GTF2A1: variants seen among roughly 807,000 people sequenced by gnomAD.
GTF2A1 encodes general transcription factor IIA subunit 1, also known as transcription initiation factor IIA subunit 1.
Under a neutral mutation model 54.1 loss-of-function variants are expected in GTF2A1, and 12 were observed. The ratio of observed to expected loss-of-function variants is 0.22; its 90% CI spans 0.14 to 0.36. The LOEUF (loss-of-function observed/expected upper bound fraction) is 0.36. Among genes scored for constraint, GTF2A1 ranks in the 10% least tolerant of loss-of-function variants. The probability of loss-of-function intolerance (pLI) is 1.00; values close to 1 mark genes in which losing one functional copy is unlikely to be tolerated. For missense variants in GTF2A1, 335 were observed against 442.2 expected (o/e 0.76, Z 2.17); for synonymous variants, 145 against 152.0 (o/e 0.95, Z 0.34).
intron 8 of GTF2A1, among the ~76,000 whole-genome samples, chr14:81,182,011 CTCTCTTGTAA>C (rs1358206312): frequency 6.6e-6 from 1 of 152,004 alleles, no homozygotes; most frequent in East Asian, 1.9e-4. Context: ...TTTGGAACAG[CTCTCTTGTAA>C]AATCTTTCAG....
chr14:81,206,517 C>A (rs189772885), intron 2 of GTF2A1, among the ~76,000 whole-genome samples: 1 of 152,186 alleles, frequency 6.6e-6, no homozygotes, highest in Non-Finnish European at 1.5e-5. Flanking sequence ...GACATTCCAG[C>A]GGACACTTGC....
intron 1 of GTF2A1, among the ~76,000 whole-genome samples, chr14:81,218,968 C>CA (rs1893545886): frequency 6.6e-6 from 1 of 151,762 alleles, no homozygotes; most frequent in African/African-American, 2.4e-5. Context: ...ATATTTCTAA[C>CA]ATTATTTCCT....
intron 7 of GTF2A1, among the ~76,000 whole-genome samples, chr14:81,186,959 CAA>C (rs56717903): frequency 8.3e-5 from 12 of 144,960 alleles, no homozygotes; most frequent in Non-Finnish European, 7.5e-5. Context: ...ACAATAAGAA[CAA>C]AAAAAAAAAA....
intron 7 of GTF2A1, among the ~76,000 whole-genome samples, chr14:81,192,291 T>C (rs1448138245): frequency 6.6e-6 from 1 of 152,240 alleles, no homozygotes; most frequent in African/African-American, 2.4e-5. Context: ...TAATTTGTTA[T>C]ACATTTTTTA....
In GTF2A1 at chr14:81,192,903, T is replaced by C. The variant is rs557926408; in HGVS notation, c.613-64A>G. The C allele has an allele frequency of 2.9e-4, 259 of 888,440 alleles. No homozygotes were observed. In the South Asian group the frequency reaches 3.3e-3, roughly 11 times the overall value. The allele number at this position is 888,440 out of a possible 1,614,324, so 55.0% of individuals were successfully genotyped here. ...GAGGATCAAGTATGGTACACAGAAA[T>C]AGAAACAAATGCTTAAGATTCACCA... On this transcript the variant is annotated intron_variant, in intron 6 of 8. Coordinates refer to ENST00000553612, the MANE Select transcript of GTF2A1 (RefSeq NM_015859.4).
intron 1 of GTF2A1, among the ~76,000 whole-genome samples, chr14:81,218,931 G>A (rs997190474): frequency 6.6e-6 from 1 of 151,204 alleles, no homozygotes; most frequent in Non-Finnish European, 1.5e-5. Flanking sequence ...ATTTACTATA[G>A]GAAAACATAA....
chr14:81,202,633 CA>C (rs1467781895), intron 3 of GTF2A1: 2 of 512,424 alleles, frequency 3.9e-6, no homozygotes, highest in Non-Finnish European at 7.7e-6. Context: ...GGTAAACCGG[CA>C]AAAGTCGGAA....
In GTF2A1 at chr14:81,220,640, AT is replaced by A. The variant is rs1566864118; in HGVS notation, c.-123del. On this transcript the variant is annotated 5_prime_UTR_variant, in exon 1 of 9. Transcript: ENST00000553612. ...AAATCACCGCAAGATTGGGGAAAAA[AT>A]TTTAAACAAAATCAATCCTGAAGGA... is the stretch of plus-strand genomic sequence containing the variant. The A allele has an allele frequency of 1.5e-6, 1 of 655,828 alleles. No individual in the cohort carries two copies. The highest frequency in any genetic ancestry group is 2.5e-6 in the Non-Finnish European group (1 of 407,494). The allele number at this position is 655,828 out of a possible 1,614,324, so 40.6% of individuals were successfully genotyped here.
intron 1 of GTF2A1, among the ~76,000 whole-genome samples, chr14:81,218,014 A>G (rs1893523668): frequency 6.6e-6 from 1 of 152,164 alleles, no homozygotes; most frequent in Middle Eastern, 3.4e-3. Context: ...AATTCTATAT[A>G]TAAGGAAAGT....
intron 2 of GTF2A1, among the ~76,000 whole-genome samples, chr14:81,213,854 T>C (rs1434515402): frequency 6.6e-6 from 1 of 151,766 alleles, no homozygotes; most frequent in Non-Finnish European, 1.5e-5. Flanking sequence ...CTGTTTTTTT[T>C]TTTTTTGAGA....
At chr14:81,212,053 A>G (rs1055139007) in intron 2 of GTF2A1, among the ~76,000 whole-genome samples, 3 of 151,770 alleles carry the variant, frequency 2.0e-5, no homozygotes, top group East Asian at 3.9e-4. Flanking sequence ...TGCTGCTAAC[A>G]TTCTACAATC....
intron 2 of GTF2A1, among the ~76,000 whole-genome samples, chr14:81,213,196 G>A (rs1362286216): frequency 1.3e-5 from 2 of 152,092 alleles, no homozygotes; most frequent in African/African-American, 2.4e-5. Context: ...GGTAGAAGCT[G>A]GGGATTCAAA....
chr14:81,194,553 C>G (rs1297235932), intron 6 of GTF2A1, among the ~76,000 whole-genome samples: 1 of 152,152 alleles, frequency 6.6e-6, no homozygotes, highest in Non-Finnish European at 1.5e-5. Flanking sequence ...TATCATAATA[C>G]TATTTTACTG....
In GTF2A1 at chr14:81,216,434, T is replaced by A; in HGVS notation, c.111A>T (p.Gln37His). 1 of 1,448,892 alleles carries A rather than the reference T, an allele frequency of 6.9e-7. No homozygotes were observed. Among genetic ancestry groups the A allele is most frequent in the Non-Finnish European group, 9.7e-7 (1 of 1,029,786 alleles). The allele number at this position is 1,448,892 out of a possible 1,614,324, so 89.8% of individuals were successfully genotyped here. Residue 37 changes from glutamine to histidine, a missense_variant, in exon 2 of 9, where the codon CAA (glutamine) becomes CAT (histidine). By Grantham distance (24) the Gln-to-His change is conservative. Coordinates refer to ENST00000553612, the MANE Select transcript of GTF2A1 (RefSeq NM_015859.4). ...TCACAGTTTTTAGTTCCATCAGTAC[T>A]TGTTCATCCACTCCATCATCCAGAA... is the stretch of plus-strand genomic sequence containing the variant. Reference protein sequence around the residue: ...DIFLDDGVDEQVLMELKTLWE... With the variant: ...DIFLDDGVDEHVLMELKTLWE...
chr14:81,185,020 T>G (rs567933057), intron 8 of GTF2A1, among the ~76,000 whole-genome samples: 1 of 152,310 alleles, frequency 6.6e-6, no homozygotes, highest in East Asian at 1.9e-4. Flanking sequence ...GTTTAAAAAT[T>G]CCTTAATGTT....
rs548165068 is a variant in GTF2A1 at position 81,212,256 on chromosome 14, GTA to G, written c.132+4155_132+4156del. Among the ~76,000 whole-genome samples the G allele has an allele frequency of 1.1e-3, 162 of 152,224 alleles. 1 individual carries two copies. The highest frequency in any genetic ancestry group is 2.0e-3 in the Non-Finnish European group (137 of 68,012). On this transcript the variant is annotated intron_variant, in intron 2 of 8. Coordinates refer to ENST00000553612, the MANE Select transcript of GTF2A1 (RefSeq NM_015859.4). ...CACAGTACTTGACATTTGGACATAG[GTA>G]GGTTGGAAAATCTAGAAATCAGGTT...
chr14:81,213,552 T>C (rs755328891), intron 2 of GTF2A1, among the ~76,000 whole-genome samples: 1 of 152,142 alleles, frequency 6.6e-6, no homozygotes, highest in African/African-American at 2.4e-5. Flanking sequence ...ACAACCATTA[T>C]AAAAGTATAA....
intron 2 of GTF2A1, among the ~76,000 whole-genome samples, chr14:81,206,788 TTC>T (rs991387556): frequency 6.6e-6 from 1 of 151,954 alleles, no homozygotes; most frequent in Non-Finnish European, 1.5e-5. Flanking sequence ...TTTCCTTTCT[TTC>T]TCTCTCCTTC....
chr14:81,197,543 T>C (rs951248965), intron 4 of GTF2A1, 59 bp from the exon 5 acceptor site: 14 of 903,802 alleles, frequency 1.5e-5, no homozygotes, highest in East Asian at 2.7e-5. Context: ...TGTTTCTCTC[T>C]AGCATATTTT....
Sources: allele counts gnomAD v4.1 joint callset (sites outside exome capture counted in the v4.1 genomes callset), GRCh38; gene constraint gnomAD v4.1.1; transcripts MANE v1.5; gene names NCBI Gene and HGNC (gene_info 2026-07-23, HGNC 2026-07-21).